The following TBC1D8 variants were observed in gnomAD, a reference collection of about 807,000 sequenced individuals.
The protein encoded by TBC1D8 is BUB2-like protein 1.
In TBC1D8, 65 loss-of-function variants were observed where a neutral mutation model predicts 118.8. The ratio of observed to expected loss-of-function variants is 0.55; its 90% CI spans 0.45 to 0.67. TBC1D8 has a LOEUF of 0.67. Among genes scored for constraint, TBC1D8 ranks in the 30% least tolerant of loss-of-function variants. TBC1D8 has a pLI of 0.00. For missense variants in TBC1D8, 1,376 were observed against 1,471.2 expected (o/e 0.94, Z 1.06); for synonymous variants, 566 against 595.8 (o/e 0.95, Z 0.73).
chr2:101,109,323 A>T (rs1677429959), intron 1 of TBC1D8, among the ~76,000 whole-genome samples: 1 of 151,348 alleles, frequency 6.6e-6, no homozygotes, highest in South Asian at 2.1e-4. Flanking sequence ...AAAACTCAGG[A>T]AGAAAGAACT....
At chr2:101,084,761 G>C (rs993350257) in intron 2 of TBC1D8, among the ~76,000 whole-genome samples, 5 of 152,024 alleles carry the variant, frequency 3.3e-5, no homozygotes, top group African/African-American at 1.2e-4. Flanking sequence ...GCATGTGTCT[G>C]GTACGTGGCA....
chr2:101,040,912 G>A lies in TBC1D8; in HGVS notation c.873-527C>T, dbSNP rs148336087. 2.2e-3 allele frequency among the ~76,000 whole-genome samples: 333 copies of A among 152,374 alleles called. 3 individuals are homozygous for A. The highest frequency in any genetic ancestry group is 7.6e-3 in the African/African-American group (318 of 41,584). ...TTCAGAACAAGGACGCAGAGCAGAC[G>A]CGCTGTCTCTGCACAGCAGTAATTT... On this transcript the variant is annotated intron_variant, in intron 5 of 19. Coordinates refer to ENST00000409318, the MANE Select transcript of TBC1D8 (RefSeq NM_001330348.2).
At chr2:101,080,520 C>T (rs887802363) in intron 2 of TBC1D8, among the ~76,000 whole-genome samples, 2 of 152,118 alleles carry the variant, frequency 1.3e-5, no homozygotes, top group Non-Finnish European at 2.9e-5. Flanking sequence ...AAGATGCCAC[C>T]CATGGTCAAG....
At chr2:101,021,608 T>A in intron 17 of TBC1D8, 73 bp downstream of exon 17, 5 of 1,054,630 alleles carry the variant, frequency 4.7e-6, no homozygotes, top group Non-Finnish European at 7.1e-6. Context: ...GAGAAGAGCT[T>A]CAGAGTCATG....
intron 2 of TBC1D8, among the ~76,000 whole-genome samples, chr2:101,078,582 G>A (rs983892297): frequency 6.6e-6 from 1 of 151,952 alleles, no homozygotes; most frequent in South Asian, 2.1e-4. Context: ...TGGGGTAGGG[G>A]AAGGGCTTAG....
intron 2 of TBC1D8, among the ~76,000 whole-genome samples, chr2:101,084,496 A>C (rs1675471046): frequency 6.6e-6 from 1 of 152,166 alleles, no homozygotes; most frequent in African/African-American, 2.4e-5. Flanking sequence ...GGTTGCAGTA[A>C]GCCGAGATCG....
chr2:101,118,548 T>A, intron 1 of TBC1D8, among the ~76,000 whole-genome samples: 1 of 151,192 alleles, frequency 6.6e-6, no homozygotes, highest in Non-Finnish European at 1.5e-5. Flanking sequence ...TACAAAAAAA[T>A]TAGCCAGGCT....
intron 1 of TBC1D8, among the ~76,000 whole-genome samples, chr2:101,121,109 G>C (rs1303726341): frequency 6.6e-6 from 1 of 152,078 alleles, no homozygotes; most frequent in East Asian, 1.9e-4. Flanking sequence ...TCTTTTCTAA[G>C]AAAATATATT....
intron 19 of TBC1D8, among the ~76,000 whole-genome samples, chr2:101,010,064 A>G (rs1189188421): frequency 6.6e-6 from 1 of 151,856 alleles, no homozygotes; most frequent in African/African-American, 2.4e-5. Flanking sequence ...CTGACCTCGT[A>G]ATCCACCCGC....
At chr2:101,061,516 T>C (rs963283719) in intron 2 of TBC1D8, among the ~76,000 whole-genome samples, 24 of 152,230 alleles carry the variant, frequency 1.6e-4, no homozygotes, top group African/African-American at 5.3e-4. Flanking sequence ...CAAAGCAGTA[T>C]CCTTCAGTCA....
rs1682254289 is a variant in TBC1D8, at chr2:101,054,326, G to A, written c.413C>T (p.Ala138Val). 5 of 1,560,930 alleles carry A rather than the reference G, an allele frequency of 3.2e-6. No homozygotes were observed. Among genetic ancestry groups the A allele is most frequent in the Non-Finnish European group, 4.3e-6 (5 of 1,151,958 alleles). Residue 138 changes from alanine to valine, a missense_variant, in exon 4 of 20, where the codon GCC becomes GTC. Coordinates refer to ENST00000409318, the MANE Select transcript of TBC1D8 (RefSeq NM_001330348.2). ...FVKGKVKALI[A>V]EETSSRLAEQ... The stretch of plus-strand genomic sequence containing the variant: ...GGCGAGCCTGCTGCTGGTCTCCTCG[G>A]CTATCAGAGCCTGACACACAGAGAT...
rs144227456 is a variant in TBC1D8 at position 101,079,901 on chromosome 2, C to T, written c.283+10308G>A. ...CGGGGTTTCACTGTGTTAGCTAGGA[C>T]GGTCTCGATCTCCTGACCTCATGAT... On this transcript the variant is annotated intron_variant, in intron 2 of 19. Transcript: ENST00000409318. Among the ~76,000 whole-genome samples the T allele has an allele frequency of 7.4e-3, 1,126 of 151,840 alleles. 17 individuals are homozygous for T. Among genetic ancestry groups the T allele is most frequent in the African/African-American group, 0.026 (1,074 of 41,414 alleles).
chr2:101,122,503 G>A (rs1211713397), intron 1 of TBC1D8, among the ~76,000 whole-genome samples: 1 of 147,598 alleles, frequency 6.8e-6, no homozygotes, highest in South Asian at 2.2e-4. Context: ...TCCTACAATT[G>A]ACATTTATTT....
intron 17 of TBC1D8, chr2:101,017,842 A>G: frequency 1.3e-6 from 2 of 1,550,728 alleles, no homozygotes; most frequent in Middle Eastern, 1.7e-4. Flanking sequence ...AAGCAGCTAC[A>G]TGCAATTCCC....
At chr2:101,037,738 G>C in intron 7 of TBC1D8, 30 bp from the exon 8 acceptor site, 1 of 1,608,470 alleles carries the variant, frequency 6.2e-7, no homozygotes, top group African/African-American at 1.3e-5. Context: ...GAGACAGAGA[G>C]AGAGAGGAGA....
At chr2:101,133,330 TTG>T (rs1420810864) in intron 1 of TBC1D8, among the ~76,000 whole-genome samples, 1 of 152,138 alleles carries the variant, frequency 6.6e-6, no homozygotes, top group African/African-American at 2.4e-5. Context: ...TGATCTCTTT[TTG>T]TGTGAGTCCA....
At chr2:101,145,346 C>T (rs1679277328) in intron 1 of TBC1D8, among the ~76,000 whole-genome samples, 1 of 152,156 alleles carries the variant, frequency 6.6e-6, no homozygotes, top group Admixed American at 6.5e-5. Flanking sequence ...CAAACTACTT[C>T]CTTTACTTGT....
At chr2:101,149,443 CG>C (rs1325287855) in intron 1 of TBC1D8, among the ~76,000 whole-genome samples, 5 of 152,144 alleles carry the variant, frequency 3.3e-5, no homozygotes, top group African/African-American at 1.2e-4. Flanking sequence ...TGAAGGTAGC[CG>C]GCCCTCACCG....
At chr2:101,126,754 G>A (rs1000194885) in intron 1 of TBC1D8, among the ~76,000 whole-genome samples, 6 of 152,234 alleles carry the variant, frequency 3.9e-5, no homozygotes, top group Non-Finnish European at 8.8e-5. Flanking sequence ...TAAGCTGGCT[G>A]TTCTTCCTTG....
Sources: gnomAD v4.1 joint callset for allele counts (sites outside exome capture counted in the v4.1 genomes callset) on GRCh38, gnomAD v4.1.1 for gene constraint, MANE v1.5 for transcripts, NCBI Gene and HGNC (gene_info 2026-07-23, HGNC 2026-07-21) for gene names.